Variants in PCDH15 observed in about 807,000 individuals in gnomAD.
PCDH15 encodes the protein protocadherin related 15.
Under a neutral mutation model 178.5 loss-of-function variants are expected in PCDH15, and 129 were observed. That is an observed-to-expected ratio of 0.72 (90% confidence interval 0.63 to 0.84). The LOEUF is 0.84. Ranked by LOEUF, PCDH15 falls within the 40% of genes least tolerant of loss-of-function variation. PCDH15 has a pLI of 0.00. For synonymous variants in PCDH15, 800 were observed against 732.0 expected (o/e 1.09, Z -1.50); for missense variants, 2,230 against 2,099.9 (o/e 1.06, Z -1.21).
intron 9 of PCDH15, among the ~76,000 whole-genome samples, chr10:54,235,020 C>G (rs1015525635): frequency 2.6e-5 from 4 of 152,154 alleles, no homozygotes; most frequent in African/African-American, 9.7e-5. Context: ...TTTCTGAAAC[C>G]CACCTGGCAA....
At chr10:54,786,660 G>A (rs1950903915) in intron 1 of PCDH15, among the ~76,000 whole-genome samples, 1 of 151,936 alleles carries the variant, frequency 6.6e-6, no homozygotes, top group Admixed American at 6.6e-5. Context: ...AATTTTAAAT[G>A]AAGGGTATGC....
intron 2 of PCDH15, among the ~76,000 whole-genome samples, chr10:55,327,392 G>A (rs1423181560): frequency 6.6e-6 from 1 of 152,014 alleles, no homozygotes; most frequent in Non-Finnish European, 1.5e-5. Flanking sequence ...AATGTGAAAT[G>A]CAAAATAATG....
At chr10:54,083,706 T>G (rs1322439251) in intron 16 of PCDH15, among the ~76,000 whole-genome samples, 2 of 152,104 alleles carry the variant, frequency 1.3e-5, no homozygotes, top group East Asian at 1.9e-4. Flanking sequence ...CTAGACAGAG[T>G]TGGTAGGTGC....
At chr10:54,308,515 A>G (rs890486766) in intron 8 of PCDH15, among the ~76,000 whole-genome samples, 4 of 152,008 alleles carry the variant, frequency 2.6e-5, no homozygotes, top group African/African-American at 4.8e-5. Context: ...ATGTCTTCAC[A>G]TTATCTATAA....
At chr10:55,506,712 T>C (rs1840767496) in intron 2 of PCDH15, among the ~76,000 whole-genome samples, 1 of 151,586 alleles carries the variant, frequency 6.6e-6, no homozygotes, top group Non-Finnish European at 1.5e-5. Flanking sequence ...TATGGCAAGT[T>C]TCTGAATCCT....
chr10:53,967,019 G>A (rs12267825), intron 21 of PCDH15, among the ~76,000 whole-genome samples: 1,586 of 152,106 alleles, frequency 0.01, 27 homozygotes, highest in African/African-American at 0.033. Flanking sequence ...CTCCCAAGAG[G>A]CTTGATATGG....
intron 2 of PCDH15, among the ~76,000 whole-genome samples, chr10:55,511,390 A>G (rs2132152066): frequency 6.6e-6 from 1 of 152,188 alleles, no homozygotes; most frequent in South Asian, 2.1e-4. Flanking sequence ...TGACCACCAT[A>G]GAGAAGAACA....
intron 2 of PCDH15, among the ~76,000 whole-genome samples, chr10:54,537,123 C>T (rs12413330): frequency 0.19 from 29,192 of 150,872 alleles, 3,093 homozygotes; most frequent in East Asian, 0.31. Context: ...CTCAGCCTCC[C>T]GAGTAGCTGG....
chr10:55,204,670 G>C (rs968822682), intron 1 of PCDH15, among the ~76,000 whole-genome samples: 2 of 152,004 alleles, frequency 1.3e-5, no homozygotes, highest in African/African-American at 4.8e-5. Flanking sequence ...AATTGAGTCA[G>C]GAATGCACAA....
At chr10:54,438,312 C>G (rs899586958) in intron 3 of PCDH15, among the ~76,000 whole-genome samples, 12 of 74,456 alleles carry the variant, frequency 1.6e-4, no homozygotes, top group African/African-American at 6.2e-4. Flanking sequence ...ATCTTTATTT[C>G]TATTGAGAGG....
chr10:54,727,170 C>T (rs67405362), intron 1 of PCDH15, among the ~76,000 whole-genome samples: 18,399 of 151,174 alleles, frequency 0.12, 1,251 homozygotes, highest in African/African-American at 0.17. Flanking sequence ...ACATGGTACA[C>T]TAAAATCAAC....
intron 28 of PCDH15, among the ~76,000 whole-genome samples, chr10:53,853,925 G>A (rs1229795119): frequency 6.6e-6 from 1 of 151,828 alleles, no homozygotes; most frequent in Non-Finnish European, 1.5e-5. Flanking sequence ...GCACTCAAAA[G>A]AATGAAAGCA....
At chr10:54,571,800 G>C (rs1179123786) in intron 2 of PCDH15, among the ~76,000 whole-genome samples, 1 of 152,000 alleles carries the variant, frequency 6.6e-6, no homozygotes, top group African/African-American at 2.4e-5. Flanking sequence ...AAAAGCTTTT[G>C]TTTTTAGCTT....
chr10:54,657,638 C>A (rs1300426887), intron 2 of PCDH15, among the ~76,000 whole-genome samples: 1 of 152,144 alleles, frequency 6.6e-6, no homozygotes, highest in East Asian at 1.9e-4. Context: ...CTTTGGCACA[C>A]TGAAAGCACC....
At chr10:54,470,681 G>C (rs559542040) in intron 3 of PCDH15, among the ~76,000 whole-genome samples, 11 of 152,236 alleles carry the variant, frequency 7.2e-5, no homozygotes, top group African/African-American at 2.4e-4. Context: ...CCACTGGGGA[G>C]CATTTGCTTA....
At chr10:54,701,877 G>A (rs2095312297) in intron 1 of PCDH15, among the ~76,000 whole-genome samples, 1 of 152,018 alleles carries the variant, frequency 6.6e-6, no homozygotes, top group Non-Finnish European at 1.5e-5. Context: ...ACAGCCCACT[G>A]ACAGTATTAG....
chr10:55,403,551 GAGAT>G (rs1293382441), intron 2 of PCDH15, among the ~76,000 whole-genome samples: 1 of 151,778 alleles, frequency 6.6e-6, no homozygotes, highest in Non-Finnish European at 1.5e-5. Context: ...TATATGGTGA[GAGAT>G]AGGGGTCTAG....
At chr10:55,346,562 A>C (rs181580597) in intron 2 of PCDH15, among the ~76,000 whole-genome samples, 261 of 152,248 alleles carry the variant, frequency 1.7e-3, no homozygotes, top group African/African-American at 5.9e-3. Flanking sequence ...GCATGTTTTC[A>C]AACTGAAAAC....
chr10:53,908,495 A>G (rs1180330762), intron 25 of PCDH15, among the ~76,000 whole-genome samples: 2 of 152,186 alleles, frequency 1.3e-5, no homozygotes, highest in African/African-American at 4.8e-5. Flanking sequence ...ACTGTGTCCT[A>G]TAAAGTCAAG....
Sources: gnomAD v4.1 joint callset for allele counts (sites outside exome capture counted in the v4.1 genomes callset) on GRCh38, gnomAD v4.1.1 for gene constraint, MANE v1.5 for transcripts, NCBI Gene and HGNC (gene_info 2026-07-23, HGNC 2026-07-21) for gene names.